PRKAR1A: variants seen among roughly 807,000 people sequenced by gnomAD.
PRKAR1A encodes the protein cAMP-dependent protein kinase type I-alpha regulatory subunit.
PRKAR1A carries 3 observed loss-of-function variants against 52.0 expected under a neutral mutation model. The ratio of observed to expected loss-of-function variants is 0.06; its 90% CI spans 0.03 to 0.15. PRKAR1A has a LOEUF of 0.15. Ranked by LOEUF, PRKAR1A falls within the 10% of genes least tolerant of loss-of-function variation. The pLI is 1.00. For missense variants in PRKAR1A, 240 were observed against 477.4 expected (o/e 0.50, Z 4.63); for synonymous variants, 188 against 168.4 (o/e 1.12, Z -0.90).
chr17:68,450,850 G>C, the PRKAR1A span: 3 of 1,614,092 alleles, frequency 1.9e-6, no homozygotes, highest in Non-Finnish European at 2.5e-6. Flanking sequence ...ACCACCACCA[G>C]GCTGCTGGAG....
downstream of PRKAR1A, among the ~76,000 whole-genome samples, chr17:68,534,136 T>A (rs1454037038): frequency 6.6e-6 from 1 of 152,246 alleles, no homozygotes; most frequent in Non-Finnish European, 1.5e-5. Flanking sequence ...CATTGTTATG[T>A]ACATGTACCG....
At chr17:68,539,655 C>T (rs1342014814) in intron 11 of PRKAR1A, among the ~76,000 whole-genome samples, 1 of 152,230 alleles carries the variant, frequency 6.6e-6, no homozygotes, top group Non-Finnish European at 1.5e-5. Flanking sequence ...TCGAAAACCT[C>T]ACCCTATTTC....
At chr17:68,433,886 G>A in the PRKAR1A span, among the ~76,000 whole-genome samples, 1 of 144,698 alleles carries the variant, frequency 6.9e-6, no homozygotes, top group Non-Finnish European at 1.5e-5. Context: ...GGGTTCAAGC[G>A]ATTCTCCTGC....
rs1600494933 is a variant in PRKAR1A at position 68,529,965 on chromosome 17, G to T, written c.937G>T (p.Val313Phe). The T allele has an allele frequency of 6.2e-7, 1 of 1,614,096 alleles. No individual in the cohort carries two copies. Among genetic ancestry groups the T allele is most frequent in the Non-Finnish European group, 8.5e-7 (1 of 1,179,986 alleles). ...LQRRSENEEF[V>F]EVGRLGPSDY... ...ACGTCGGTCAGAAAATGAAGAGTTT[G>T]TTGAAGTGGGAAGATTGGGGCCTTC... Residue 313 changes from valine to phenylalanine, a missense_variant, in exon 10 of 11, where the codon GTT becomes TTT. Val to Phe is a conservative substitution (Grantham distance 50, BLOSUM62 -1). Coordinates refer to ENST00000589228, the MANE Select transcript of PRKAR1A (RefSeq NM_002734.5).
the PRKAR1A span, among the ~76,000 whole-genome samples, chr17:68,432,424 A>C: frequency 6.6e-6 from 1 of 152,194 alleles, no homozygotes; most frequent in Non-Finnish European, 1.5e-5. Flanking sequence ...TGTCATGCTG[A>C]GAAGAAGACC....
At chr17:68,496,807 C>T in the PRKAR1A span, among the ~76,000 whole-genome samples, 1 of 131,304 alleles carries the variant, frequency 7.6e-6, no homozygotes, top group African/African-American at 2.8e-5. Flanking sequence ...AGCTCTTAAG[C>T]TTAGTTTTTA....
At chr17:68,511,546 T>TG (rs1021090237), upstream of PRKAR1A, among the ~76,000 whole-genome samples, 3 of 152,160 alleles carry the variant, frequency 2.0e-5, no homozygotes, top group Non-Finnish European at 2.9e-5. Flanking sequence ...TCAGGAGTGA[T>TG]GGGGGGGCAC....
At chr17:68,479,832 C>T in the PRKAR1A span, among the ~76,000 whole-genome samples, 1 of 152,178 alleles carries the variant, frequency 6.6e-6, no homozygotes, top group Non-Finnish European at 1.5e-5. Flanking sequence ...GCTGGGAAGG[C>T]CTCAGGAAAC....
At chr17:68,487,205 C>A in the PRKAR1A span, among the ~76,000 whole-genome samples, 1 of 152,186 alleles carries the variant, frequency 6.6e-6, no homozygotes. Flanking sequence ...TTCATGTACA[C>A]ACATTGCACA....
chr17:68,480,764 G>A, the PRKAR1A span, among the ~76,000 whole-genome samples: 1 of 152,132 alleles, frequency 6.6e-6, no homozygotes, highest in Non-Finnish European at 1.5e-5. Context: ...TCCCCAGGCT[G>A]GTCTCGAACT....
At chr17:68,423,650 C>T in the PRKAR1A span, among the ~76,000 whole-genome samples, 1 of 152,208 alleles carries the variant, frequency 6.6e-6, no homozygotes, top group Non-Finnish European at 1.5e-5. The surrounding 1 kb of genome is among the most constrained non-coding windows in gnomAD (Gnocchi z 4.4). Context: ...ACAACTGGCT[C>T]ATGCCCAGCT....
the PRKAR1A span, among the ~76,000 whole-genome samples, chr17:68,486,472 T>TCCTC: frequency 1.2e-5 from 1 of 81,970 alleles, no homozygotes. Flanking sequence ...TTTCTTTCTC[T>TCCTC]CCTTCCTTCC....
intron 6 of PRKAR1A, 88 bp downstream of exon 6, chr17:68,525,046 G>A (rs1466371905): frequency 1.9e-6 from 2 of 1,057,572 alleles, no homozygotes; most frequent in East Asian, 2.4e-5. Flanking sequence ...ATTTTGAAGG[G>A]TCATTACATC....
At chr17:68,456,650 C>A in the PRKAR1A span, among the ~76,000 whole-genome samples, 1 of 152,174 alleles carries the variant, frequency 6.6e-6, no homozygotes, top group Non-Finnish European at 1.5e-5. Flanking sequence ...CTCCTGTTTC[C>A]TGGAGAGAAA....
chr17:68,473,585 C>T, the PRKAR1A span, among the ~76,000 whole-genome samples: 26 of 152,088 alleles, frequency 1.7e-4, no homozygotes, highest in African/African-American at 2.2e-4. Context: ...TGCAGTGGCA[C>T]GATCTCAGCT....
the PRKAR1A span, among the ~76,000 whole-genome samples, chr17:68,414,842 A>G: frequency 2.6e-5 from 4 of 152,130 alleles, no homozygotes; most frequent in Non-Finnish European, 5.9e-5. Context: ...GTAGCCTTGA[A>G]TGATCTTTTG....
At chr17:68,426,816 T>G in the PRKAR1A span, among the ~76,000 whole-genome samples, 1 of 152,192 alleles carries the variant, frequency 6.6e-6, no homozygotes, top group Non-Finnish European at 1.5e-5. Context: ...ATTACAGGTG[T>G]GAGCCAATGT....
chr17:68,523,850 A>G (rs369166352), intron 4 of PRKAR1A, 34 bp downstream of exon 4: 2 of 1,604,206 alleles, frequency 1.2e-6, no homozygotes. Context: ...ACTATTTTTC[A>G]AGTAAGGGTG....
chr17:68,428,675 G>A, the PRKAR1A span: 121 of 605,096 alleles, frequency 2.0e-4, no homozygotes, highest in East Asian at 1.9e-3. Flanking sequence ...CACAGAGCCC[G>A]GTGCAGAGCA....
Sources: allele counts gnomAD v4.1 joint callset (sites outside exome capture counted in the v4.1 genomes callset), GRCh38; gene constraint gnomAD v4.1.1; non-coding constraint Gnocchi (gnomAD v3.1); transcripts MANE v1.5; gene names NCBI Gene and HGNC (gene_info 2026-07-23, HGNC 2026-07-21).